Variants in GRM5 observed in about 807,000 individuals in gnomAD.
GRM5 encodes the protein metabotropic glutamate receptor 5.
GRM5 carries 19 observed loss-of-function variants against 83.1 expected under a neutral mutation model. The ratio of observed to expected loss-of-function variants is 0.23; its 90% CI spans 0.16 to 0.34. The LOEUF is 0.34. Among genes scored for constraint, GRM5 ranks in the 10% least tolerant of loss-of-function variants. The pLI is 1.00. For missense variants in GRM5, 1,160 were observed against 1,588.3 expected, an observed-to-expected ratio of 0.73 and a Z score of 4.58; for synonymous variants, 675 against 633.6, an observed-to-expected ratio of 1.07 and a Z score of -0.98.
At chr11:88,843,378 G>A (rs1944238521) in intron 3 of GRM5, among the ~76,000 whole-genome samples, 2 of 150,748 alleles carry the variant, frequency 1.3e-5, no homozygotes, top group South Asian at 4.2e-4. Context: ...GGTAATAAAC[G>A]TATCCGTCAC....
rs753432754 is a variant in GRM5 at position 88,850,029 on chromosome 11, T to C, written c.788A>G (p.Lys263Arg). ...GGCCTTGGGCAAGTGACTTGTGAGC[T>C]TCTTCAGCAGCTTATCAAAGCTCTG... ...GEQSFDKLLK[K>R]LTSHLPKARV... is the part of the protein sequence containing the mutation. The change falls in exon 3 of 10, where the codon AAG (lysine) becomes AGG (arginine). Residue 263 changes from lysine to arginine, a missense_variant. Physicochemically the swap from Lys to Arg is conservative, Grantham distance 26 (BLOSUM62 2). This residue lies in a region of GRM5 where 84 missense variants were observed against 231.0 expected (regional missense o/e 0.36). Coordinates refer to ENST00000305447, the MANE Select transcript of GRM5 (RefSeq NM_001143831.3). 2.5e-6 allele frequency: 4 copies of C among 1,612,646 alleles called. No homozygotes were observed. In the South Asian group the frequency reaches 4.4e-5, roughly 18 times the overall value.
intron 8 of GRM5, among the ~76,000 whole-genome samples, chr11:88,551,717 C>G (rs746505026): frequency 2.0e-4 from 31 of 152,266 alleles, no homozygotes; most frequent in Middle Eastern, 3.4e-3. Context: ...CTTCAGTGTC[C>G]TCATCAGTAT....
chr11:88,934,717 A>G (rs1348457294), intron 2 of GRM5, among the ~76,000 whole-genome samples: 3 of 151,888 alleles, frequency 2.0e-5, no homozygotes, highest in Non-Finnish European at 4.4e-5. Context: ...CTGGTCTTAT[A>G]ATTGAATATA....
At chr11:88,666,358 A>C (rs1235117079) in intron 3 of GRM5, among the ~76,000 whole-genome samples, 1 of 152,180 alleles carries the variant, frequency 6.6e-6, no homozygotes, top group African/African-American at 2.4e-5. Context: ...CAAGGTGGAA[A>C]AGGAAGTGGA....
intron 1 of GRM5, among the ~76,000 whole-genome samples, chr11:89,064,922 G>A (rs1331145589): frequency 1.6e-5 from 1 of 62,516 alleles, no homozygotes. Context: ...GTGTGAGAGA[G>A]AGAGAGAGAG....
chr11:88,949,132 A>C (rs747967382), intron 2 of GRM5, among the ~76,000 whole-genome samples: 4 of 152,250 alleles, frequency 2.6e-5, no homozygotes, highest in Non-Finnish European at 5.9e-5. Context: ...GTTTCTGACC[A>C]CTAAGAGTAG....
chr11:88,584,463 T>G (rs1383718010), intron 7 of GRM5, among the ~76,000 whole-genome samples: 1 of 152,162 alleles, frequency 6.6e-6, no homozygotes, highest in Non-Finnish European at 1.5e-5. Flanking sequence ...AGATGGAGTC[T>G]TGCTCTGTCA....
At chr11:88,603,952 G>C (rs1298857956) in intron 5 of GRM5, among the ~76,000 whole-genome samples, 2 of 152,154 alleles carry the variant, frequency 1.3e-5, no homozygotes, top group East Asian at 3.9e-4. Flanking sequence ...TTGATACAAG[G>C]CTGAGTGAAG....
intron 4 of GRM5, among the ~76,000 whole-genome samples, chr11:88,639,509 A>G (rs1939231729): frequency 6.6e-6 from 1 of 151,738 alleles, no homozygotes; most frequent in Non-Finnish European, 1.5e-5. Context: ...AGTAAATTCC[A>G]TTTTTATTAC....
chr11:88,985,618 A>G (rs1338064464), intron 2 of GRM5, among the ~76,000 whole-genome samples: 1 of 152,156 alleles, frequency 6.6e-6, no homozygotes, highest in Non-Finnish European at 1.5e-5. Context: ...ACTTTTCCAT[A>G]TTAAGTTTAA....
At chr11:89,048,442 A>G (rs1455697817) in intron 1 of GRM5, among the ~76,000 whole-genome samples, 1 of 152,200 alleles carries the variant, frequency 6.6e-6, no homozygotes, top group Non-Finnish European at 1.5e-5. Context: ...AGAATATTAA[A>G]CATTGGTGAT....
chr11:88,848,127 T>C (rs1371547404), intron 3 of GRM5, among the ~76,000 whole-genome samples: 6 of 152,200 alleles, frequency 3.9e-5, no homozygotes, highest in Admixed American at 1.3e-4. Flanking sequence ...GTGGTAACAC[T>C]GCACTTCAGA....
chr11:88,637,068 G>GT (rs1565164923), intron 4 of GRM5, among the ~76,000 whole-genome samples: 1 of 151,828 alleles, frequency 6.6e-6, no homozygotes, highest in Admixed American at 6.6e-5. Flanking sequence ...CTTTAAAGTA[G>GT]TTTTTTCCAA....
chr11:89,012,845 A>C (rs557296734), intron 2 of GRM5, among the ~76,000 whole-genome samples: 1 of 152,372 alleles, frequency 6.6e-6, no homozygotes, highest in African/African-American at 2.4e-5. Context: ...CCGTTTGAAT[A>C]GTTTCCTAAA....
chr11:88,550,653 G>A (rs1942486708), intron 8 of GRM5, among the ~76,000 whole-genome samples: 1 of 151,202 alleles, frequency 6.6e-6, no homozygotes, highest in Non-Finnish European at 1.5e-5. Flanking sequence ...AAACTGATAA[G>A]GGAGTGGGGG....
intron 3 of GRM5, among the ~76,000 whole-genome samples, chr11:88,742,881 C>A (rs868603237): frequency 6.6e-6 from 1 of 151,980 alleles, no homozygotes; most frequent in East Asian, 1.9e-4. Flanking sequence ...CCATCTAAGA[C>A]CCCCTACCCC....
intron 2 of GRM5, among the ~76,000 whole-genome samples, chr11:88,976,821 G>A (rs1939353889): frequency 6.6e-6 from 1 of 151,556 alleles, no homozygotes; most frequent in South Asian, 2.1e-4. Context: ...TATGCTGCTA[G>A]TGAAGACTTA....
At chr11:88,523,387 A>G (rs543340027) in intron 9 of GRM5, among the ~76,000 whole-genome samples, 2 of 152,294 alleles carry the variant, frequency 1.3e-5, no homozygotes, top group South Asian at 2.1e-4. Context: ...CATTTGGTGA[A>G]GTCACTTTAA....
intron 3 of GRM5, among the ~76,000 whole-genome samples, chr11:88,763,877 C>T (rs1942577475): frequency 1.3e-5 from 2 of 151,690 alleles, no homozygotes; most frequent in African/African-American, 4.8e-5. Context: ...CACTCCTTAT[C>T]ATTTATTGCC....
Sources: gnomAD v4.1 joint callset for allele counts (sites outside exome capture counted in the v4.1 genomes callset) on GRCh38, gnomAD v4.1.1 for gene constraint, gnomAD v4.1.1 regional missense constraint, MANE v1.5 for transcripts, NCBI Gene and HGNC (gene_info 2026-07-23, HGNC 2026-07-21) for gene names.